C2orf92: variants seen among roughly 807,000 people sequenced by gnomAD.
C2orf92 encodes the protein chromosome 2 open reading frame 92.
intron 5 of C2orf92, among the ~76,000 whole-genome samples, chr2:97,698,684 A>G (rs1676390217): frequency 6.6e-6 from 1 of 152,090 alleles, no homozygotes; most frequent in Non-Finnish European, 1.5e-5. Context: ...AGACATACGC[A>G]TTCCCAGGCC....
intron 5 of C2orf92, among the ~76,000 whole-genome samples, chr2:97,694,772 A>G (rs1394763114): frequency 6.6e-6 from 1 of 152,022 alleles, no homozygotes; most frequent in Non-Finnish European, 1.5e-5. Context: ...TTGCTGGATG[A>G]TATGATTTTG....
intron 3 of C2orf92, among the ~76,000 whole-genome samples, chr2:97,683,590 A>G (rs2104566484): frequency 6.6e-6 from 1 of 152,216 alleles, no homozygotes; most frequent in East Asian, 1.9e-4. Context: ...TGCACATTCA[A>G]TATAATCCCT....
upstream of C2orf92, chr2:97,664,019 C>A (rs1675114458): frequency 2.3e-6 from 1 of 434,252 alleles, no homozygotes; most frequent in East Asian, 5.0e-5. Flanking sequence ...GAGCCTGCAG[C>A]CTACGCGAGC....
At chr2:97,696,787 G>C (rs1472996043) in intron 5 of C2orf92, among the ~76,000 whole-genome samples, 1 of 152,154 alleles carries the variant, frequency 6.6e-6, no homozygotes, top group Non-Finnish European at 1.5e-5. Flanking sequence ...TCGATAGGAG[G>C]AGGAGTGGGG....
chr2:97,677,359 C>T (rs1191184541), intron 3 of C2orf92: 3 of 152,216 alleles, frequency 2.0e-5, no homozygotes, highest in Non-Finnish European at 4.4e-5. Context: ...GGCTTCCAAG[C>T]AGCCCTGTTG....
chr2:97,687,210 A>T (rs992835225), intron 3 of C2orf92, among the ~76,000 whole-genome samples: 5 of 152,084 alleles, frequency 3.3e-5, no homozygotes, highest in African/African-American at 7.2e-5. Flanking sequence ...ATAAAAAATT[A>T]AAAAATTAGC....
At chr2:97,697,889 G>A (rs1676360535) in intron 5 of C2orf92, 2 of 153,510 alleles carry the variant, frequency 1.3e-5, no homozygotes, top group African/African-American at 2.4e-5. Context: ...CACCATGCCT[G>A]GCTAATTTTT....
At chr2:97,667,313 A>C (rs1675267638), upstream of C2orf92, among the ~76,000 whole-genome samples, 1 of 138,940 alleles carries the variant, frequency 7.2e-6, no homozygotes, top group Non-Finnish European at 1.5e-5. Flanking sequence ...CCCAGGCTGG[A>C]GTGCAGTGGC....
At chr2:97,686,329 G>A (rs141096010) in intron 3 of C2orf92, among the ~76,000 whole-genome samples, 295 of 152,168 alleles carry the variant, frequency 1.9e-3, no homozygotes, top group Middle Eastern at 3.4e-3. Flanking sequence ...CTAACATGAC[G>A]ACCACATTGG....
At chr2:97,670,174 C>G (rs1675366641) in intron 1 of C2orf92, 1 of 186,114 alleles carries the variant, frequency 5.4e-6, no homozygotes, top group Non-Finnish European at 1.1e-5. Flanking sequence ...CTGATTTTAT[C>G]TATATATATG....
At position 97,688,791 on chromosome 2, in the gene C2orf92, C is replaced by T. The variant is rs368293415; in HGVS notation, c.233-104C>T. 2.7e-4 allele frequency: 107 copies of T among 396,740 alleles called. 1 individual carries two copies. Among genetic ancestry groups the T allele is most frequent in the East Asian group, 1.5e-3 (43 of 27,984 alleles). 24.6% of individuals were successfully genotyped at this position (396,740 alleles called of 1,614,324 possible). A position where few individuals can be genotyped will look rare whatever the true frequency, so the allele number is the denominator to read the frequency against. On this transcript the variant is annotated intron_variant, in intron 3 of 7. Transcript: ENST00000627399. ...TAACGTCCCATATCTGTGGCGTTTG[C>T]GTCATGTATTCACTGTATTCATAGA...
upstream of C2orf92, among the ~76,000 whole-genome samples, chr2:97,666,601 T>A (rs1400959019): frequency 6.7e-6 from 1 of 149,732 alleles, no homozygotes; most frequent in African/African-American, 2.5e-5. Flanking sequence ...CCAGTACTTG[T>A]GGAGGCTGAA....
At chr2:97,679,544 T>C (rs1232772398) in intron 3 of C2orf92, among the ~76,000 whole-genome samples, 5 of 150,298 alleles carry the variant, frequency 3.3e-5, no homozygotes, top group Non-Finnish European at 7.4e-5. Flanking sequence ...AACAAAAGAG[T>C]AAAAGAAAGA....
At chr2:97,669,610 C>T (rs1384659294), upstream of C2orf92, 9 of 390,114 alleles carry the variant, frequency 2.3e-5, no homozygotes, top group African/African-American at 1.7e-4. Flanking sequence ...GCATAGCCCC[C>T]GTCACTGTCC....
In C2orf92 at chr2:97,702,804, C is replaced by T. The variant is rs1676539221; in HGVS notation, c.*3C>T. ...TGAAGAGCAGCTCCTGTGTCTAAGC[C>T]AGGTCGTGGGGCCGTCAAACCAGGA... On this transcript the variant is annotated 3_prime_UTR_variant, in exon 8 of 8. Transcript: ENST00000627399. The T allele has an allele frequency of 1.0e-5, 4 of 398,848 alleles. No homozygotes were observed. Among genetic ancestry groups the T allele is most frequent in the Non-Finnish European group, 1.8e-5 (4 of 226,058 alleles). 24.7% of individuals were successfully genotyped at this position (398,848 alleles called of 1,614,324 possible).
intron 1 of C2orf92, among the ~76,000 whole-genome samples, chr2:97,673,815 T>C (rs1224360746): frequency 6.6e-6 from 1 of 152,152 alleles, no homozygotes; most frequent in African/African-American, 2.4e-5. Flanking sequence ...GAGATAAGGC[T>C]GGGTGAAAGC....
chr2:97,677,118 C>A (rs2104548099), intron 3 of C2orf92, among the ~76,000 whole-genome samples: 1 of 152,326 alleles, frequency 6.6e-6, no homozygotes. Context: ...GTAGTGGCTG[C>A]CATCCTCCAT....
At chr2:97,677,090 C>T (rs953068990) in intron 3 of C2orf92, among the ~76,000 whole-genome samples, 4 of 152,268 alleles carry the variant, frequency 2.6e-5, no homozygotes, top group Admixed American at 2.0e-4. Flanking sequence ...AAGAGGCTGC[C>T]GAATTTCAAC....
intron 3 of C2orf92, among the ~76,000 whole-genome samples, chr2:97,681,654 C>T (rs1675778950): frequency 6.6e-6 from 1 of 152,146 alleles, no homozygotes; most frequent in African/African-American, 2.4e-5. Context: ...GTCAGGAGAT[C>T]GAGACCATCC....
Sources: gnomAD v4.1 joint callset for allele counts (sites outside exome capture counted in the v4.1 genomes callset) on GRCh38, gnomAD v4.1.1 for gene constraint, MANE v1.5 for transcripts, NCBI Gene and HGNC (gene_info 2026-07-23, HGNC 2026-07-21) for gene names.